Variants in CTNNA2 observed in about 807,000 individuals in gnomAD.
CTNNA2 encodes the protein catenin alpha-2.
A neutral mutation model predicts 101.0 loss-of-function variants in CTNNA2; 42 were observed. The ratio of observed to expected loss-of-function variants is 0.42; its 90% CI spans 0.32 to 0.54. The LOEUF (loss-of-function observed/expected upper bound fraction) is 0.54. Among genes scored for constraint, CTNNA2 ranks in the 20% least tolerant of loss-of-function variants. CTNNA2 has a pLI of 0.14. For synonymous variants in CTNNA2, 450 were observed against 456.4 expected (o/e 0.99, Z 0.18); for missense variants, 871 against 1,223.1 (o/e 0.71, Z 4.29).
chr2:79,318,450 G>T (rs993677140), intron 3 of CTNNA2, among the ~76,000 whole-genome samples: 6 of 152,124 alleles, frequency 3.9e-5, no homozygotes, highest in Non-Finnish European at 8.8e-5. Flanking sequence ...AGCTTACCAG[G>T]TTCCAGTTCA....
At chr2:80,285,642 G>A (rs1674702931) in intron 7 of CTNNA2, among the ~76,000 whole-genome samples, 1 of 152,118 alleles carries the variant, frequency 6.6e-6, no homozygotes, top group South Asian at 2.1e-4. Flanking sequence ...TGGATAAATA[G>A]ATAAAACTCA....
chr2:79,213,065 T>G lies in CTNNA2; in HGVS notation c.-406+14989T>G, dbSNP rs1674197278. Among the ~76,000 whole-genome samples, 4 of 152,254 alleles carry G rather than the reference T, an allele frequency of 2.6e-5. No individual in the cohort carries two copies. In the South Asian group the frequency reaches 8.3e-4, roughly 32 times the overall value. ...GGCTGGAAGGAGATATTTCCCTTGG[T>G]CTAAGAACCATTTGCCTTGTGTGGG... On this transcript the variant is annotated intron_variant, in intron 2 of 21. Transcript: ENST00000466387.
chr2:79,297,051 T>C (rs184808486), intron 2 of CTNNA2, among the ~76,000 whole-genome samples: 77 of 152,286 alleles, frequency 5.1e-4, no homozygotes, highest in Admixed American at 8.5e-4. Flanking sequence ...CCATGTATCA[T>C]TGATACTGAT....
intron 7 of CTNNA2, among the ~76,000 whole-genome samples, chr2:80,199,168 G>C (rs1707033923): frequency 9.0e-6 from 1 of 110,584 alleles, no homozygotes; most frequent in African/African-American, 3.7e-5. Context: ...GAGACAGAGT[G>C]AGACTCCATC....
chr2:79,369,945 C>T, intron 3 of CTNNA2, among the ~76,000 whole-genome samples: 1 of 152,138 alleles, frequency 6.6e-6, no homozygotes, highest in East Asian at 1.9e-4. Context: ...ATATTATCTA[C>T]AAGGTTGTAA....
At position 80,303,401 on chromosome 2, in the gene CTNNA2, C is replaced by T. The variant is rs1423372938; in HGVS notation, c.1057-89810C>T. ...CTTGTTGTACGAGAGGTCCACGCTG[C>T]GCAGGTTGGGCATGGGCCGGAAGGT... On this transcript the variant is annotated intron_variant, in intron 7 of 18. Coordinates refer to ENST00000402739, the MANE Select transcript of CTNNA2 (RefSeq NM_001282597.3). The surrounding 1 kb of genome is among the most constrained non-coding windows in gnomAD (Gnocchi z 7.7). The T allele has an allele frequency of 1.2e-6, 2 of 1,614,140 alleles. No homozygotes were observed. Among genetic ancestry groups the T allele is most frequent in the Admixed American group, 1.7e-5 (1 of 60,012 alleles).
chr2:79,576,921 C>T (rs2103868243), intron 1 of CTNNA2, among the ~76,000 whole-genome samples: 1 of 152,236 alleles, frequency 6.6e-6, no homozygotes, highest in Admixed American at 6.5e-5. Flanking sequence ...TCCAGTTTAA[C>T]ATAAACACGT....
rs73938720 is a variant in CTNNA2 at position 79,539,735 on chromosome 2, T to A, written c.-6+26528T>A. Among the ~76,000 whole-genome samples the A allele has an allele frequency of 1.2e-3, 185 of 152,296 alleles. 1 individual carries two copies. Among genetic ancestry groups the A allele is most frequent in the African/African-American group, 4.1e-3 (171 of 41,564 alleles). ...AGCCTGTCAGTGTTTGAAAGACTCT[T>A]GTGGACCAGAACTATCTGTCCTTCC... is the stretch of plus-strand genomic sequence containing the variant. On this transcript the variant is annotated intron_variant, in intron 1 of 18. Coordinates refer to ENST00000402739, the MANE Select transcript of CTNNA2 (RefSeq NM_001282597.3).
chr2:79,904,073 C>T (rs1338563375), intron 6 of CTNNA2, among the ~76,000 whole-genome samples: 1 of 152,024 alleles, frequency 6.6e-6, no homozygotes, highest in Non-Finnish European at 1.5e-5. Flanking sequence ...TCTGCATTGC[C>T]CCTTCCTGCT....
chr2:80,495,939 C>CAAAAAAAAAAAAAA (rs60582703), intron 9 of CTNNA2, among the ~76,000 whole-genome samples: 19 of 35,772 alleles, frequency 5.3e-4, no homozygotes, highest in East Asian at 9.3e-4. Flanking sequence ...GACTCTGTCT[C>CAAAAAAAAAAAAAA]AAAAAAAAAA....
intron 2 of CTNNA2, among the ~76,000 whole-genome samples, chr2:79,714,820 A>G (rs1191671383): frequency 2.0e-5 from 3 of 152,052 alleles, no homozygotes; most frequent in Non-Finnish European, 4.4e-5. Context: ...TGTTTTTTGT[A>G]TAAATTATAA....
intron 7 of CTNNA2, among the ~76,000 whole-genome samples, chr2:80,322,191 G>A (rs923623164): frequency 6.6e-6 from 1 of 151,984 alleles, no homozygotes; most frequent in Non-Finnish European, 1.5e-5. Context: ...CTTCTTTCTA[G>A]TCTACTACCA....
At chr2:80,102,696 G>A (rs1700617185) in intron 7 of CTNNA2, among the ~76,000 whole-genome samples, 1 of 152,056 alleles carries the variant, frequency 6.6e-6, no homozygotes, top group African/African-American at 2.4e-5. Context: ...ATTTTTAGTA[G>A]AGACGGGGTT....
intron 17 of CTNNA2, 84 bp from the exon 18 acceptor site, chr2:80,619,000 TA>T: frequency 1.1e-6 from 1 of 933,444 alleles, no homozygotes; most frequent in Non-Finnish European, 1.5e-6. Flanking sequence ...TTCCACTCCC[TA>T]ATCCCTTCCC....
chr2:80,251,329 A>T (rs945734657), intron 7 of CTNNA2, among the ~76,000 whole-genome samples: 1 of 152,198 alleles, frequency 6.6e-6, no homozygotes, highest in Non-Finnish European at 1.5e-5. Context: ...AATTGGTACC[A>T]TATAGTGAGT....
At chr2:79,637,779 A>G (rs999396498) in intron 1 of CTNNA2, among the ~76,000 whole-genome samples, 8 of 152,214 alleles carry the variant, frequency 5.3e-5, no homozygotes, top group African/African-American at 1.9e-4. Flanking sequence ...TATTGAACAC[A>G]TTTCAGGAAG....
At chr2:80,477,956 T>C (rs1485581943) in intron 9 of CTNNA2, among the ~76,000 whole-genome samples, 1 of 152,176 alleles carries the variant, frequency 6.6e-6, no homozygotes. Context: ...TTTAGGTCTT[T>C]GAGAAATCTC....
chr2:79,773,985 C>T (rs989381290), intron 3 of CTNNA2, among the ~76,000 whole-genome samples: 2 of 152,122 alleles, frequency 1.3e-5, no homozygotes, highest in African/African-American at 4.8e-5. Context: ...GAGATGGCTG[C>T]TACACCTTCC....
chr2:79,772,231 A>G (rs1486470951), intron 3 of CTNNA2, among the ~76,000 whole-genome samples: 2 of 152,098 alleles, frequency 1.3e-5, no homozygotes, highest in South Asian at 2.1e-4. Context: ...AAAGATAGGG[A>G]CATTAATCAG....
Sources: gnomAD v4.1 joint callset for allele counts (sites outside exome capture counted in the v4.1 genomes callset) on GRCh38, gnomAD v4.1.1 for gene constraint, Gnocchi (gnomAD v3.1) non-coding constraint, MANE v1.5 for transcripts, NCBI Gene and HGNC (gene_info 2026-07-23, HGNC 2026-07-21) for gene names.